Variants in RABGAP1L observed in about 807,000 individuals in gnomAD.
The protein encoded by RABGAP1L is RAB GTPase activating protein 1 like, also known as rab GTPase-activating protein 1-like.
In RABGAP1L, 63 loss-of-function variants were observed where a neutral mutation model predicts 137.7. The ratio of observed to expected loss-of-function variants is 0.46; its 90% CI spans 0.37 to 0.56. RABGAP1L has a LOEUF of 0.56. Ranked by LOEUF, RABGAP1L falls within the 20% of genes least tolerant of loss-of-function variation. The pLI is 0.00. For missense variants in RABGAP1L, 1,095 were observed against 1,244.0 expected (o/e 0.88, Z 1.80); for synonymous variants, 431 against 433.7 (o/e 0.99, Z 0.08).
intron 1 of RABGAP1L, among the ~76,000 whole-genome samples, chr1:174,193,723 A>G (rs1414033492): frequency 6.6e-6 from 1 of 152,188 alleles, no homozygotes; most frequent in Non-Finnish European, 1.5e-5. Flanking sequence ...AAAATGTCAG[A>G]AATATTCTTC....
intron 17 of RABGAP1L, among the ~76,000 whole-genome samples, chr1:174,728,653 G>A (rs144671227): frequency 0.015 from 2,182 of 144,978 alleles, 32 homozygotes; most frequent in Non-Finnish European, 0.024. Flanking sequence ...GCTGGAGTGC[G>A]GTGGTGTGAT....
intron 13 of RABGAP1L, among the ~76,000 whole-genome samples, chr1:174,454,021 T>C (rs1357144762): frequency 2.0e-5 from 3 of 152,072 alleles, no homozygotes; most frequent in Non-Finnish European, 4.4e-5. Context: ...TCCCAGCACT[T>C]TGGGAGGCCG....
At chr1:174,755,445 G>C (rs565820367) in intron 18 of RABGAP1L, among the ~76,000 whole-genome samples, 1 of 152,312 alleles carries the variant, frequency 6.6e-6, no homozygotes, top group East Asian at 1.9e-4. Context: ...GTTGGGCACA[G>C]AAATTTTTCA....
chr1:174,854,830 A>G (rs1214720751), intron 19 of RABGAP1L, among the ~76,000 whole-genome samples: 2 of 133,754 alleles, frequency 1.5e-5, no homozygotes, highest in Non-Finnish European at 3.1e-5. Context: ...CTCTGCCCCC[A>G]GGATTCAAGT....
intron 17 of RABGAP1L, among the ~76,000 whole-genome samples, chr1:174,716,356 A>G (rs1572904597): frequency 6.6e-6 from 1 of 152,190 alleles, no homozygotes; most frequent in Admixed American, 6.5e-5. Flanking sequence ...ATAGTGGCGC[A>G]CTACAGCCTT....
intron 13 of RABGAP1L, among the ~76,000 whole-genome samples, chr1:174,451,334 C>T (rs1456107916): frequency 6.6e-6 from 1 of 152,050 alleles, no homozygotes; most frequent in Non-Finnish European, 1.5e-5. Context: ...TAGAAAGGAC[C>T]CAGTGGATTC....
intron 13 of RABGAP1L, among the ~76,000 whole-genome samples, chr1:174,522,483 T>C (rs1290473185): frequency 6.6e-6 from 1 of 150,562 alleles, no homozygotes; most frequent in Admixed American, 6.7e-5. Context: ...GCTGGGAAAT[T>C]CACTTGAGCC....
At chr1:174,500,766 CT>C (rs1198469430) in intron 13 of RABGAP1L, among the ~76,000 whole-genome samples, 5 of 152,184 alleles carry the variant, frequency 3.3e-5, no homozygotes, top group South Asian at 4.2e-4. Context: ...CAAAGCTCAG[CT>C]CCTGATTGAG....
At chr1:174,656,744 T>C (rs1350046971) in intron 14 of RABGAP1L, among the ~76,000 whole-genome samples, 1 of 152,228 alleles carries the variant, frequency 6.6e-6, no homozygotes, top group East Asian at 1.9e-4. Context: ...GTTTGTATTC[T>C]TTGTCATGTC....
chr1:174,685,338 C>T (rs574783638), intron 15 of RABGAP1L, among the ~76,000 whole-genome samples: 2 of 152,024 alleles, frequency 1.3e-5, no homozygotes, highest in African/African-American at 2.4e-5. Context: ...CTGCAAGCTC[C>T]GCCTCCCCTG....
intron 19 of RABGAP1L, among the ~76,000 whole-genome samples, chr1:174,921,219 G>A (rs1471195765): frequency 2.6e-5 from 4 of 152,080 alleles, no homozygotes; most frequent in Admixed American, 6.6e-5. Context: ...CACTGCGCCC[G>A]GCCCAGTCTG....
intron 19 of RABGAP1L, among the ~76,000 whole-genome samples, chr1:174,906,664 A>G (rs142602095): frequency 8.5e-5 from 13 of 152,072 alleles, no homozygotes; most frequent in Non-Finnish European, 1.6e-4. Context: ...ATAGTAATAG[A>G]AAACTTTCCA....
intron 15 of RABGAP1L, among the ~76,000 whole-genome samples, chr1:174,684,597 C>A (rs891602356): frequency 6.6e-6 from 1 of 152,116 alleles, no homozygotes; most frequent in Admixed American, 6.5e-5. Flanking sequence ...ATAATACAGT[C>A]ATATGATCAT....
intron 13 of RABGAP1L, among the ~76,000 whole-genome samples, chr1:174,615,333 A>G (rs1010828099): frequency 3.3e-5 from 5 of 152,192 alleles, no homozygotes; most frequent in African/African-American, 1.2e-4. Context: ...GGTTTGCTGG[A>G]TGTCCACTCC....
chr1:174,843,501 G>T (rs1693690049), intron 19 of RABGAP1L, among the ~76,000 whole-genome samples: 1 of 146,212 alleles, frequency 6.8e-6, no homozygotes. Flanking sequence ...TCTTGCGATA[G>T]TTTACTGAGA....
intron 17 of RABGAP1L, among the ~76,000 whole-genome samples, chr1:174,726,331 T>A (rs1268814840): frequency 5.0e-4 from 76 of 152,082 alleles, no homozygotes; most frequent in Admixed American, 5.0e-3. Context: ...AGTCTCAAAG[T>A]CCTGGGTTTA....
intron 13 of RABGAP1L, among the ~76,000 whole-genome samples, chr1:174,474,453 A>G (rs2149315149): frequency 6.6e-6 from 1 of 152,320 alleles, no homozygotes; most frequent in East Asian, 1.9e-4. Flanking sequence ...TCAGCTAGTA[A>G]GAGTGCTCTG....
intron 17 of RABGAP1L, among the ~76,000 whole-genome samples, chr1:174,749,756 G>C (rs1019549881): frequency 3.3e-5 from 5 of 152,112 alleles, no homozygotes; most frequent in African/African-American, 1.2e-4. Context: ...TAGACTCTCA[G>C]CCAATCTCTT....
chr1:174,492,847 C>T (rs544403487), intron 13 of RABGAP1L, among the ~76,000 whole-genome samples: 1 of 152,164 alleles, frequency 6.6e-6, no homozygotes, highest in East Asian at 1.9e-4. Flanking sequence ...TTTCTTCCTT[C>T]ATCACTCACT....
Sources: allele counts gnomAD v4.1 joint callset (sites outside exome capture counted in the v4.1 genomes callset), GRCh38; gene constraint gnomAD v4.1.1; transcripts MANE v1.5; gene names NCBI Gene and HGNC (gene_info 2026-07-23, HGNC 2026-07-21).